The following CADPS2 variants were observed in gnomAD, a reference collection of about 807,000 sequenced individuals.
CADPS2 encodes the protein calcium-dependent secretion activator 2.
CADPS2 carries 93 observed loss-of-function variants against 172.5 expected under a neutral mutation model. The ratio of observed to expected loss-of-function variants is 0.54; its 90% CI spans 0.46 to 0.64. The LOEUF is 0.64. Among genes scored for constraint, CADPS2 ranks in the 30% least tolerant of loss-of-function variants. The pLI is 0.00. For missense variants in CADPS2, 1,420 were observed against 1,565.9 expected (o/e 0.91, Z 1.57); for synonymous variants, 546 against 555.2 (o/e 0.98, Z 0.23).
At chr7:122,426,604 T>C (rs2049203081) in intron 17 of CADPS2, among the ~76,000 whole-genome samples, 1 of 152,248 alleles carries the variant, frequency 6.6e-6, no homozygotes, top group Admixed American at 6.5e-5. Flanking sequence ...ACCCTGTTGA[T>C]AAATACAGAG....
chr7:122,382,740 G>A (rs1006548423), intron 24 of CADPS2, among the ~76,000 whole-genome samples: 1 of 152,000 alleles, frequency 6.6e-6, no homozygotes, highest in African/African-American at 2.4e-5. Flanking sequence ...GATCGCCTGA[G>A]CCTGAGTTCA....
chr7:122,491,425 T>C lies in CADPS2; in HGVS notation c.1543-5A>G. On this transcript the variant is annotated splice_region_variant and splice_polypyrimidine_tract_variant and intron_variant, in intron 9 of 29. Transcript: ENST00000449022. ...AGCAAAGGTATATTGGCTAACCTGC[T>C]CGAGAAAAAAAAAGTTTACAGATTA... The C allele has an allele frequency of 6.5e-7, 1 of 1,547,132 alleles. No homozygotes were observed. Among genetic ancestry groups the C allele is most frequent in the Non-Finnish European group, 8.7e-7 (1 of 1,143,408 alleles).
At chr7:122,472,526 C>T (rs905867072) in intron 13 of CADPS2, among the ~76,000 whole-genome samples, 1 of 152,200 alleles carries the variant, frequency 6.6e-6, no homozygotes, top group South Asian at 2.1e-4. Context: ...GCCTCCAAAA[C>T]ACTTTCTAGG....
intron 12 of CADPS2, chr7:122,480,090 C>A (rs1346577384): frequency 6.4e-6 from 3 of 471,248 alleles, no homozygotes; most frequent in East Asian, 1.4e-4. Context: ...TCTGGCAACT[C>A]TAGCACGTTA....
intron 1 of CADPS2, among the ~76,000 whole-genome samples, chr7:122,801,811 T>C (rs1172532955): frequency 6.6e-6 from 1 of 151,744 alleles, no homozygotes; most frequent in Non-Finnish European, 1.5e-5. Context: ...TCTCACTATA[T>C]ACCCCAGGCT....
intron 2 of CADPS2, among the ~76,000 whole-genome samples, chr7:122,733,110 T>C (rs1056252287): frequency 9.2e-5 from 14 of 151,384 alleles, no homozygotes; most frequent in African/African-American, 3.4e-4. Context: ...GATCATAGAA[T>C]CACAGAATAA....
chr7:122,627,592 T>C (rs1446277661), intron 4 of CADPS2, among the ~76,000 whole-genome samples: 4 of 152,160 alleles, frequency 2.6e-5, no homozygotes, highest in Non-Finnish European at 5.9e-5. Flanking sequence ...TTCTTCTCAG[T>C]CATGAACCTG....
chr7:122,562,147 C>G (rs2065857335), intron 7 of CADPS2, among the ~76,000 whole-genome samples: 1 of 152,156 alleles, frequency 6.6e-6, no homozygotes, highest in Admixed American at 6.5e-5. Flanking sequence ...AGGTAGAATA[C>G]TGGCTTCCCA....
At chr7:122,874,369 CAAAG>C (rs1205475106) in intron 1 of CADPS2, among the ~76,000 whole-genome samples, 5 of 152,008 alleles carry the variant, frequency 3.3e-5, no homozygotes, top group African/African-American at 9.7e-5. Context: ...AACCACTGCT[CAAAG>C]AAATAAGAGA....
chr7:122,430,391 G>A (rs944958829), intron 17 of CADPS2, among the ~76,000 whole-genome samples: 9 of 152,118 alleles, frequency 5.9e-5, no homozygotes, highest in Non-Finnish European at 7.4e-5. Context: ...GTATGACTGC[G>A]CTCTTGTCTG....
At chr7:122,445,555 G>C (rs993405104) in intron 15 of CADPS2, among the ~76,000 whole-genome samples, 1 of 152,132 alleles carries the variant, frequency 6.6e-6, no homozygotes, top group Non-Finnish European at 1.5e-5. Flanking sequence ...GGTGGCTCAT[G>C]CCTGTAATCC....
intron 28 of CADPS2, among the ~76,000 whole-genome samples, chr7:122,333,300 A>AGT (rs1362847388): frequency 6.6e-6 from 1 of 152,202 alleles, no homozygotes; most frequent in African/African-American, 2.4e-5. Context: ...CTTAGTCTTG[A>AGT]GATGAAACTC....
chr7:122,495,223 G>T (rs2058640644), intron 9 of CADPS2, among the ~76,000 whole-genome samples: 1 of 152,006 alleles, frequency 6.6e-6, no homozygotes, highest in African/African-American at 2.4e-5. Flanking sequence ...ATTTCTTAGA[G>T]ATACATATGC....
At chr7:122,694,453 C>G (rs1200934216) in intron 2 of CADPS2, among the ~76,000 whole-genome samples, 1 of 152,076 alleles carries the variant, frequency 6.6e-6, no homozygotes, top group African/African-American at 2.4e-5. Flanking sequence ...CCCTGGTCAT[C>G]AACAGTGATG....
At chr7:122,604,484 G>A (rs1375639650) in intron 6 of CADPS2, among the ~76,000 whole-genome samples, 2 of 152,118 alleles carry the variant, frequency 1.3e-5, no homozygotes, top group African/African-American at 2.4e-5. Flanking sequence ...GCTGGACAGA[G>A]CTCTAGATTT....
chr7:122,779,042 C>T (rs1323244830), intron 1 of CADPS2, among the ~76,000 whole-genome samples: 1 of 152,138 alleles, frequency 6.6e-6, no homozygotes. Context: ...AGGGCAGTCC[C>T]TCTGCACACA....
chr7:122,476,532 C>G (rs10239128), intron 12 of CADPS2, among the ~76,000 whole-genome samples: 8,809 of 151,988 alleles, frequency 0.058, 319 homozygotes, highest in African/African-American at 0.071. Context: ...AATACAATTC[C>G]AAACTATATA....
At chr7:122,646,331 C>T (rs1258451217) in intron 3 of CADPS2, among the ~76,000 whole-genome samples, 2 of 151,896 alleles carry the variant, frequency 1.3e-5, no homozygotes, top group Admixed American at 6.6e-5. Flanking sequence ...GTTAAAATGC[C>T]GTCAAAGAGG....
intron 9 of CADPS2, 25 bp downstream of exon 9, chr7:122,513,221 GATT>G (rs2060128370): frequency 6.8e-7 from 1 of 1,478,390 alleles, no homozygotes; most frequent in Non-Finnish European, 9.3e-7. Context: ...ATCTTAGAGT[GATT>G]ATTTAACAGG....
Sources: gnomAD v4.1 joint callset for allele counts (sites outside exome capture counted in the v4.1 genomes callset) on GRCh38, gnomAD v4.1.1 for gene constraint, MANE v1.5 for transcripts, NCBI Gene and HGNC (gene_info 2026-07-23, HGNC 2026-07-21) for gene names.